TNR: variants seen among roughly 807,000 people sequenced by gnomAD.
The protein encoded by TNR is tenascin R.
A neutral mutation model predicts 150.4 loss-of-function variants in TNR; 45 were observed. The ratio of observed to expected loss-of-function variants is 0.30; its 90% confidence interval spans 0.24 to 0.38. The LOEUF is 0.38. Ranked by LOEUF, TNR falls within the 10% of genes least tolerant of loss-of-function variation. The probability of loss-of-function intolerance (pLI) is 1.00; values close to 1 mark genes in which losing one functional copy is unlikely to be tolerated. For synonymous variants in TNR, 687 were observed against 678.4 expected (o/e 1.01, Z -0.20); for missense variants, 1,544 against 1,759.1 (o/e 0.88, Z 2.19).
intron 2 of TNR, among the ~76,000 whole-genome samples, chr1:175,462,906 T>G (rs756580673): frequency 9.8e-5 from 15 of 152,298 alleles, no homozygotes; most frequent in Non-Finnish European, 1.9e-4. Context: ...GTGGTGGAGA[T>G]CTTTTTTGGT....
intron 2 of TNR, among the ~76,000 whole-genome samples, chr1:175,488,668 C>T (rs558071013): frequency 1.3e-5 from 2 of 152,288 alleles, no homozygotes; most frequent in African/African-American, 2.4e-5. Context: ...AATATTGATC[C>T]CCAGCTGCCA....
chr1:175,736,508 A>G (rs1163044318), intron 1 of TNR, among the ~76,000 whole-genome samples: 1 of 151,672 alleles, frequency 6.6e-6, no homozygotes, highest in African/African-American at 2.4e-5. Flanking sequence ...ACGACAGAAC[A>G]AGACTCTATC....
intron 2 of TNR, among the ~76,000 whole-genome samples, chr1:175,436,851 C>A (rs978951244): frequency 6.6e-6 from 1 of 152,176 alleles, no homozygotes. Flanking sequence ...TATATATGCA[C>A]CCAATACAGG....
rs191093664 is a variant in TNR, at chr1:175,382,537, C to T, written c.1778-2800G>A. On this transcript the variant is annotated intron_variant, in intron 8 of 22. Transcript: ENST00000367674. The stretch of plus-strand genomic sequence containing the variant: ...CAGCTAGGGGCTTGAACTGTTGGGA[C>T]TTGGAAGTTCCTATTAGTTTCCCAG... Among the ~76,000 whole-genome samples the T allele has an allele frequency of 2.6e-5, 4 of 152,326 alleles. No homozygotes were observed. The East Asian group carries it at 7.7e-4, about 29-fold the overall frequency.
chr1:175,396,596 G>A lies in TNR; in HGVS notation c.1188C>T (p.Tyr396=), dbSNP rs138698493. 8.2e-4 allele frequency: 1,320 copies of A among 1,614,128 alleles called. 1 individual carries two copies. Among genetic ancestry groups the A allele is most frequent in the Non-Finnish European group, 9.8e-4 (1,156 of 1,180,048 alleles). The stretch of plus-strand genomic sequence containing the variant: ...GGCTGAGGATGTTGCTAATGACAGC[G>A]TAGACGCTGATGTTGTAGGTGAGAC... The part of the protein sequence containing the change: ...EPGLTYNISV[Y]AVISNILSLP... The change falls in exon 5 of 23, where the codon TAC becomes TAT. Residue 396 remains tyrosine (Y), a synonymous_variant. Coordinates refer to ENST00000367674, the MANE Select transcript of TNR (RefSeq NM_003285.3).
intron 1 of TNR, among the ~76,000 whole-genome samples, chr1:175,584,664 C>G (rs546837950): frequency 2.0e-5 from 3 of 152,166 alleles, no homozygotes; most frequent in Non-Finnish European, 2.9e-5. Flanking sequence ...CTTTATGACT[C>G]TGGGCTCAAG....
chr1:175,689,480 T>C (rs1666293853), intron 1 of TNR, among the ~76,000 whole-genome samples: 1 of 152,172 alleles, frequency 6.6e-6, no homozygotes, highest in Non-Finnish European at 1.5e-5. Context: ...CAGGGCTATT[T>C]GCATGTTTTC....
intron 2 of TNR, among the ~76,000 whole-genome samples, chr1:175,451,824 C>G (rs959315346): frequency 6.6e-6 from 1 of 152,178 alleles, no homozygotes; most frequent in Non-Finnish European, 1.5e-5. Context: ...CAGACTAATG[C>G]GTTCTCTCCT....
At chr1:175,565,715 G>A (rs979895257) in intron 1 of TNR, among the ~76,000 whole-genome samples, 1 of 152,112 alleles carries the variant, frequency 6.6e-6, no homozygotes, top group African/African-American at 2.4e-5. Flanking sequence ...AAGTGCACAA[G>A]ACTTACTTAA....
chr1:175,360,669 C>T (rs540513415), intron 14 of TNR, among the ~76,000 whole-genome samples: 1 of 152,274 alleles, frequency 6.6e-6, no homozygotes, highest in South Asian at 2.1e-4. Context: ...ATTTTTTTCA[C>T]TTGCCTATGT....
chr1:175,374,047 C>A (rs1293242829), intron 9 of TNR, among the ~76,000 whole-genome samples: 1 of 152,200 alleles, frequency 6.6e-6, no homozygotes, highest in Non-Finnish European at 1.5e-5. Flanking sequence ...GACCCCAGGC[C>A]CTGTGCCTGG....
chr1:175,512,290 C>G (rs1462504637), intron 2 of TNR, among the ~76,000 whole-genome samples: 1 of 152,178 alleles, frequency 6.6e-6, no homozygotes, highest in Non-Finnish European at 1.5e-5. Context: ...TTCACTAAAA[C>G]TAGTATTTCA....
rs1310136963 is a variant in TNR, at chr1:175,410,130, TAGTGAGGGAAC to T, written c.-63-3364_-63-3354del. ...GAAGTGGGGTGGTGAGCTGAATAGA[TAGTGAGGGAAC>T]AGTGAGTTTGAGTCTCTAAGGCAGG... On this transcript the variant is annotated intron_variant, in intron 2 of 22. Coordinates refer to ENST00000367674, the MANE Select transcript of TNR (RefSeq NM_003285.3). 1.2e-4 allele frequency among the ~76,000 whole-genome samples: 18 copies of T among 152,120 alleles called. No homozygotes were observed. In the East Asian group the frequency reaches 3.5e-3, roughly 29 times the overall value.
intron 1 of TNR, among the ~76,000 whole-genome samples, chr1:175,588,024 A>G (rs1451638326): frequency 6.6e-6 from 1 of 152,194 alleles, no homozygotes; most frequent in African/African-American, 2.4e-5. Flanking sequence ...TCACTTTCCA[A>G]TCATGTAAAA....
Position 175,724,617 on chromosome 1 carries a change from T to C in TNR, c.-165+18609A>G, listed in dbSNP as rs550282680. On this transcript the variant is annotated intron_variant, in intron 1 of 22. Coordinates refer to ENST00000367674, the MANE Select transcript of TNR (RefSeq NM_003285.3). ...TATTCCTTGACCTGAAGGGTGGTTA[T>C]GGGGAATTTGATTTATTGTTATTGA... 1.5e-4 allele frequency among the ~76,000 whole-genome samples: 23 copies of C among 152,304 alleles called. 2 individuals are homozygous for C. In the South Asian group the frequency reaches 3.9e-3, roughly 26 times the overall value.
rs558308767 is a variant in TNR at position 175,447,913 on chromosome 1, G to A, written c.-63-41136C>T. ...TTATGAGGATTTAATGCGATAATCC[G>A]TGAGAAACCTTTAGCACACTGCCTG... On this transcript the variant is annotated intron_variant, in intron 2 of 22. Coordinates refer to ENST00000367674, the MANE Select transcript of TNR (RefSeq NM_003285.3). 1.4e-4 allele frequency among the ~76,000 whole-genome samples: 21 copies of A among 152,282 alleles called. No individual in the cohort carries two copies. The South Asian group carries it at 2.3e-3, about 17-fold the overall frequency.
At chr1:175,393,647 A>G in intron 6 of TNR, 133 bp downstream of exon 6, 1 of 754,418 alleles carries the variant, frequency 1.3e-6, no homozygotes, top group Admixed American at 1.9e-5. Flanking sequence ...AGACACCCAC[A>G]ACATGCCATT....
At chr1:175,648,995 T>A (rs928805949) in intron 1 of TNR, among the ~76,000 whole-genome samples, 1 of 152,160 alleles carries the variant, frequency 6.6e-6, no homozygotes, top group African/African-American at 2.4e-5. Context: ...CCAAACTGCA[T>A]CCTTGCCTCC....
At chr1:175,364,872 G>T in intron 12 of TNR, 138 bp downstream of exon 12, 2 of 1,092,670 alleles carry the variant, frequency 1.8e-6, no homozygotes, top group Non-Finnish European at 2.6e-6. Context: ...AGCTGTTTCA[G>T]AACAGGTCAC....
Sources: allele counts gnomAD v4.1 joint callset (sites outside exome capture counted in the v4.1 genomes callset), GRCh38; gene constraint gnomAD v4.1.1; transcripts MANE v1.5; gene names NCBI Gene and HGNC (gene_info 2026-07-23, HGNC 2026-07-21).